ANKS1B: variants seen among roughly 807,000 people sequenced by gnomAD.
ANKS1B encodes ankyrin repeat and sterile alpha motif domain-containing protein 1B.
Under a neutral mutation model 148.3 loss-of-function variants are expected in ANKS1B, and 36 were observed. That is an observed-to-expected ratio of 0.24 (90% CI 0.19 to 0.32). The LOEUF is 0.32. Ranked by LOEUF, ANKS1B falls within the 10% of genes least tolerant of loss-of-function variation. The probability of loss-of-function intolerance (pLI) is 1.00; values close to 1 mark genes in which losing one functional copy is unlikely to be tolerated. For synonymous variants in ANKS1B, 542 were observed against 560.8 expected (o/e 0.97, Z 0.47); for missense variants, 1,157 against 1,542.6 (o/e 0.75, Z 4.19).
chr12:99,790,246 C>G (rs1044142984), intron 4 of ANKS1B, among the ~76,000 whole-genome samples: 1 of 151,908 alleles, frequency 6.6e-6, no homozygotes, highest in Non-Finnish European at 1.5e-5. Context: ...AAACTTTTAC[C>G]CTAAAATGGT....
Position 99,984,375 on chromosome 12 carries a change from CAG to C in ANKS1B, c.-140_-139del. 1.6e-6 allele frequency: 1 copy of C among 620,730 alleles called. No homozygotes were observed. The highest frequency in any genetic ancestry group is 3.2e-5 in the East Asian group (1 of 31,102). The allele number at this position is 620,730 out of a possible 1,614,324, so 38.5% of individuals were successfully genotyped here. A position where few individuals can be genotyped will look rare whatever the true frequency, so the allele number is the denominator to read the frequency against. On this transcript the variant is annotated 5_prime_UTR_variant, in exon 1 of 27. Coordinates refer to ENST00000683438, the MANE Select transcript of ANKS1B (RefSeq NM_001352186.2). ...GAGCTTCAGCACGGAGAGCTCCCTG[CAG>C]CCCCAGGCAGGGAGCACGACTCTCT... is the stretch of plus-strand genomic sequence containing the variant.
chr12:99,804,880 A>G (rs2067392099), intron 4 of ANKS1B, among the ~76,000 whole-genome samples: 1 of 152,206 alleles, frequency 6.6e-6, no homozygotes, highest in Non-Finnish European at 1.5e-5. Flanking sequence ...AGAACCATGC[A>G]TGCCATGTGA....
At chr12:99,687,374 A>G (rs987989198) in intron 8 of ANKS1B, among the ~76,000 whole-genome samples, 2 of 152,148 alleles carry the variant, frequency 1.3e-5, no homozygotes, top group Non-Finnish European at 2.9e-5. Flanking sequence ...GTGGGCTTAG[A>G]GTTTCCATCA....
At chr12:99,830,463 A>T (rs116466251) in intron 1 of ANKS1B, among the ~76,000 whole-genome samples, 2 of 152,102 alleles carry the variant, frequency 1.3e-5, no homozygotes, top group Non-Finnish European at 2.9e-5. Context: ...GGGAAAAAAA[A>T]TTGTGAAACA....
intron 17 of ANKS1B, among the ~76,000 whole-genome samples, chr12:98,911,102 ATT>A (rs5800374): frequency 6.6e-6 from 1 of 151,260 alleles, no homozygotes; most frequent in Non-Finnish European, 1.5e-5. Flanking sequence ...TCTGTGGTAG[ATT>A]TTTTTTTTAA....
rs1411134548 is a variant in ANKS1B, at chr12:99,758,768, G to C, written c.1128+14154C>G. ...CAAAAATATGTTATTGAAGAAATTA[G>C]TGTAATTCTTTAATGCAAGGACTCT... is the stretch of plus-strand genomic sequence containing the variant. On this transcript the variant is annotated intron_variant, in intron 8 of 26. Coordinates refer to ENST00000683438, the MANE Select transcript of ANKS1B (RefSeq NM_001352186.2). 5.9e-5 allele frequency among the ~76,000 whole-genome samples: 9 copies of C among 151,818 alleles called. No homozygotes were observed. The South Asian group carries it at 1.9e-3, about 31-fold the overall frequency.
At chr12:99,590,145 T>C (rs983697053) in intron 9 of ANKS1B, among the ~76,000 whole-genome samples, 1 of 151,976 alleles carries the variant, frequency 6.6e-6, no homozygotes, top group Non-Finnish European at 1.5e-5. Context: ...TTTGAGCACA[T>C]ATAAACATAT....
chr12:99,295,032 T>C (rs373189650), intron 12 of ANKS1B, among the ~76,000 whole-genome samples: 6 of 152,342 alleles, frequency 3.9e-5, no homozygotes, highest in African/African-American at 1.2e-4. Context: ...TTACACATTG[T>C]ATGCCTGGAT....
intron 14 of ANKS1B, among the ~76,000 whole-genome samples, chr12:99,171,315 C>T (rs1172863492): frequency 6.6e-6 from 1 of 152,110 alleles, no homozygotes; most frequent in African/African-American, 2.4e-5. Flanking sequence ...CCCATAAGAA[C>T]AATGCTTCCT....
At chr12:99,927,958 T>C (rs895428613) in intron 1 of ANKS1B, among the ~76,000 whole-genome samples, 3 of 152,206 alleles carry the variant, frequency 2.0e-5, no homozygotes, top group African/African-American at 7.2e-5. Context: ...TAAATGAGGT[T>C]ATCATTACCA....
chr12:98,740,744 T>C (rs1262353206), downstream of ANKS1B, among the ~76,000 whole-genome samples: 1 of 152,214 alleles, frequency 6.6e-6, no homozygotes, highest in Non-Finnish European at 1.5e-5. Flanking sequence ...AAACTAACAA[T>C]TGCAGCCACA....
intron 14 of ANKS1B, among the ~76,000 whole-genome samples, chr12:99,180,635 T>G (rs976058066): frequency 2.6e-5 from 4 of 151,690 alleles, no homozygotes; most frequent in Non-Finnish European, 4.4e-5. Context: ...GGTTTTTTTT[T>G]TTTTTTTTTT....
chr12:99,888,000 A>C lies in ANKS1B; in HGVS notation c.135-62611T>G, dbSNP rs7967691. 6.7e-3 allele frequency among the ~76,000 whole-genome samples: 1,024 copies of C among 152,140 alleles called. 12 individuals are homozygous for C. The highest frequency in any genetic ancestry group is 0.023 in the African/African-American group (971 of 41,490). ...TAATACAATGGGCTCAAATAGTGAA[A>C]AACAGCATATCTGCTCCCTTCAGAA... On this transcript the variant is annotated intron_variant, in intron 1 of 26. Transcript: ENST00000683438.
chr12:99,542,853 G>A (rs949768369), intron 9 of ANKS1B, among the ~76,000 whole-genome samples: 4 of 152,034 alleles, frequency 2.6e-5, no homozygotes, highest in East Asian at 1.9e-4. Context: ...TGAATCAAAC[G>A]CCTAAACGAA....
chr12:99,755,785 G>C (rs897467172), intron 8 of ANKS1B, among the ~76,000 whole-genome samples: 1 of 151,908 alleles, frequency 6.6e-6, no homozygotes, highest in Non-Finnish European at 1.5e-5. Context: ...TGCAGAAAAG[G>C]CTTTTGATAA....
chr12:99,842,677 C>T lies in ANKS1B; in HGVS notation c.135-17288G>A, dbSNP rs368619847. ...GCCCTGTTCCCCGGCTATGAATTTC[C>T]ACTTGCCCATGCTATATTTGGCACT... On this transcript the variant is annotated intron_variant, in intron 1 of 26. Coordinates refer to ENST00000683438, the MANE Select transcript of ANKS1B (RefSeq NM_001352186.2). Among the ~76,000 whole-genome samples the T allele has an allele frequency of 7.9e-5, 12 of 152,186 alleles. No individual in the cohort carries two copies. The South Asian group carries it at 1.4e-3, about 18-fold the overall frequency.
intron 12 of ANKS1B, among the ~76,000 whole-genome samples, chr12:99,280,898 CAT>C (rs1209669978): frequency 1.3e-5 from 2 of 151,636 alleles, no homozygotes; most frequent in East Asian, 1.9e-4. Context: ...CACACACACA[CAT>C]GCACGTACAC....
chr12:98,900,945 G>T (rs1016867375), intron 17 of ANKS1B, among the ~76,000 whole-genome samples: 1 of 152,082 alleles, frequency 6.6e-6, no homozygotes, highest in African/African-American at 2.4e-5. Context: ...GGAAATTTTT[G>T]TACTTCCCTT....
rs368279063 is a variant in ANKS1B, at chr12:99,154,337, C to T, written c.2478G>A (p.Gln826=). 2.9e-4 allele frequency: 475 copies of T among 1,613,650 alleles called. No homozygotes were observed. Among genetic ancestry groups the T allele is most frequent in the Non-Finnish European group, 3.8e-4 (447 of 1,179,732 alleles). Residue 826 remains glutamine, a synonymous_variant, in exon 15 of 27, where the codon CAG becomes CAA. Transcript: ENST00000683438. ...CATTAGCCATCAGGTGGTTCTCGTA[C>T]TGAGGTAGCCCAATGCTTTCCAACC... The part of the protein sequence containing the change: ...GQWLESIGLP[Q]YENHLMANGF...
Sources: allele counts gnomAD v4.1 joint callset (sites outside exome capture counted in the v4.1 genomes callset), GRCh38; gene constraint gnomAD v4.1.1; transcripts MANE v1.5; gene names NCBI Gene and HGNC (gene_info 2026-07-23, HGNC 2026-07-21).